Variants in LRP1B observed in about 807,000 individuals in gnomAD.
LRP1B encodes LDL receptor related protein 1B.
LRP1B carries 217 observed loss-of-function variants against 556.6 expected under a neutral mutation model. The observed-to-expected ratio is 0.39, with a 90% CI of 0.35 to 0.44. The LOEUF (loss-of-function observed/expected upper bound fraction) is 0.44. Ranked by LOEUF, LRP1B falls within the 20% of genes least tolerant of loss-of-function variation. The probability of loss-of-function intolerance (pLI) is 1.00; values close to 1 mark genes in which losing one functional copy is unlikely to be tolerated. For synonymous variants in LRP1B, 2,047 were observed against 1,865.8 expected, an observed-to-expected ratio of 1.10 and a Z score of -2.50; for missense variants, 5,053 against 5,620.8, an observed-to-expected ratio of 0.90 and a Z score of 3.23.
At chr2:141,607,471 T>C (rs1018724132) in intron 2 of LRP1B, among the ~76,000 whole-genome samples, 4 of 152,172 alleles carry the variant, frequency 2.6e-5, no homozygotes, top group Non-Finnish European at 4.4e-5. Flanking sequence ...TGCATTCCTA[T>C]TTTCTTAGTG....
intron 3 of LRP1B, among the ~76,000 whole-genome samples, chr2:141,326,314 G>A (rs1177724990): frequency 6.6e-6 from 1 of 152,022 alleles, no homozygotes; most frequent in African/African-American, 2.4e-5. Context: ...TGCTTCCAAG[G>A]AGAAAACATT....
chr2:140,272,405 T>C (rs540194332), intron 85 of LRP1B, among the ~76,000 whole-genome samples: 3 of 152,072 alleles, frequency 2.0e-5, no homozygotes, highest in South Asian at 4.1e-4. Flanking sequence ...TTCAAGATTA[T>C]GATCAAGTCT....
intron 7 of LRP1B, among the ~76,000 whole-genome samples, chr2:141,088,652 A>G (rs1700103739): frequency 6.6e-6 from 1 of 152,156 alleles, no homozygotes; most frequent in Admixed American, 6.5e-5. Flanking sequence ...GGCAACATTT[A>G]TTGAGTGCCT....
chr2:141,266,057 G>C (rs181749484), intron 3 of LRP1B, among the ~76,000 whole-genome samples: 1 of 152,196 alleles, frequency 6.6e-6, no homozygotes. Flanking sequence ...AGGCGCGGTG[G>C]CTCACGCCTG....
At chr2:141,242,199 A>G (rs1683902506) in intron 5 of LRP1B, among the ~76,000 whole-genome samples, 1 of 152,094 alleles carries the variant, frequency 6.6e-6, no homozygotes, top group Non-Finnish European at 1.5e-5. Context: ...TATGTGGCAG[A>G]GAATTCTTCC....
chr2:141,971,091 C>T (rs1463511357), intron 1 of LRP1B, among the ~76,000 whole-genome samples: 1 of 151,380 alleles, frequency 6.6e-6, no homozygotes, highest in Non-Finnish European at 1.5e-5. Context: ...CCTGACAACC[C>T]AAACCTTAAG....
intron 49 of LRP1B, among the ~76,000 whole-genome samples, chr2:140,521,189 T>C (rs561551486): frequency 4.6e-5 from 7 of 152,132 alleles, no homozygotes; most frequent in African/African-American, 7.2e-5. Flanking sequence ...AGATTCAAGA[T>C]AGCCAGAGAT....
intron 3 of LRP1B, among the ~76,000 whole-genome samples, chr2:141,464,584 GTATATATATATA>G (rs1236041290): frequency 1.1e-5 from 1 of 88,434 alleles, no homozygotes; most frequent in African/African-American, 4.0e-5. Flanking sequence ...GGCTAATTTT[GTATATATATATA>G]TATATATATA....
chr2:142,039,318 A>G (rs1703988732), intron 1 of LRP1B, among the ~76,000 whole-genome samples: 1 of 151,520 alleles, frequency 6.6e-6, no homozygotes, highest in Non-Finnish European at 1.5e-5. Context: ...TAAGTGTAAA[A>G]TAACTCATCA....
intron 37 of LRP1B, among the ~76,000 whole-genome samples, chr2:140,712,217 A>G (rs1032992202): frequency 2.0e-5 from 3 of 152,076 alleles, no homozygotes; most frequent in African/African-American, 7.2e-5. Flanking sequence ...CTACTTGGGA[A>G]TCTGAATACC....
At chr2:141,111,119 T>C (rs1377638565) in intron 7 of LRP1B, among the ~76,000 whole-genome samples, 4 of 152,060 alleles carry the variant, frequency 2.6e-5, no homozygotes, top group Non-Finnish European at 5.9e-5. Context: ...AACACCTCCG[T>C]ATTTAAGAGA....
At chr2:141,263,613 T>C (rs927865601) in intron 3 of LRP1B, among the ~76,000 whole-genome samples, 5 of 152,122 alleles carry the variant, frequency 3.3e-5, no homozygotes, top group African/African-American at 4.8e-5. Flanking sequence ...GCATAAGCCC[T>C]TCTAGAAAAC....
intron 18 of LRP1B, among the ~76,000 whole-genome samples, chr2:140,963,436 T>G (rs1340816659): frequency 6.9e-6 from 1 of 145,670 alleles, no homozygotes; most frequent in East Asian, 2.1e-4. Context: ...TGCATGTACA[T>G]GCATATTTAT....
intron 2 of LRP1B, among the ~76,000 whole-genome samples, chr2:141,571,038 C>T (rs1180579492): frequency 6.6e-6 from 1 of 151,256 alleles, no homozygotes; most frequent in East Asian, 1.9e-4. Flanking sequence ...TGGAGACACA[C>T]CCCGTCCACC....
At chr2:141,471,526 T>C (rs1372858016) in intron 3 of LRP1B, among the ~76,000 whole-genome samples, 1 of 152,176 alleles carries the variant, frequency 6.6e-6, no homozygotes, top group Non-Finnish European at 1.5e-5. Flanking sequence ...AGTTTTGTAA[T>C]GTTCTTCCTT....
intron 41 of LRP1B, among the ~76,000 whole-genome samples, chr2:140,670,296 G>A (rs1044323189): frequency 3.9e-5 from 6 of 152,022 alleles, no homozygotes; most frequent in African/African-American, 1.4e-4. Context: ...AAAGTCATGA[G>A]CCCAAAGCAC....
intron 3 of LRP1B, among the ~76,000 whole-genome samples, chr2:141,280,676 C>T (rs1365980632): frequency 1.3e-5 from 2 of 151,802 alleles, no homozygotes; most frequent in African/African-American, 4.8e-5. Context: ...ATAACTGCTA[C>T]CTAGCAAATT....
In LRP1B at chr2:141,499,889, C is replaced by A. The variant is rs367833128; in HGVS notation, c.206-19356G>T. 3.6e-4 allele frequency among the ~76,000 whole-genome samples: 55 copies of A among 152,036 alleles called. No individual in the cohort carries two copies. The Middle Eastern group carries it at 0.017, about 47-fold the overall frequency. ...TTTATTACCAAGGAAAATGAAGTTACTTCTTTTTTTTAGAACACATTTAGA... is the reference window on the plus strand; with the variant it reads ...TTTATTACCAAGGAAAATGAAGTTAATTCTTTTTTTTAGAACACATTTAGA... On this transcript the variant is annotated intron_variant, in intron 2 of 90. Coordinates refer to ENST00000389484, the MANE Select transcript of LRP1B (RefSeq NM_018557.3).
chr2:140,529,788 A>G (rs904975076), intron 47 of LRP1B, among the ~76,000 whole-genome samples: 3 of 151,984 alleles, frequency 2.0e-5, no homozygotes, highest in Non-Finnish European at 4.4e-5. Flanking sequence ...GAAGCATATC[A>G]TGCACTCTTC....
Sources: gnomAD v4.1 joint callset for allele counts (sites outside exome capture counted in the v4.1 genomes callset) on GRCh38, gnomAD v4.1.1 for gene constraint, MANE v1.5 for transcripts, NCBI Gene and HGNC (gene_info 2026-07-23, HGNC 2026-07-21) for gene names.